Variants in COP1 observed in about 807,000 individuals in gnomAD.
COP1 encodes E3 ubiquitin-protein ligase COP1.
Under a neutral mutation model 101.3 loss-of-function variants are expected in COP1, and 24 were observed. The ratio of observed to expected loss-of-function variants is 0.24; its 90% CI spans 0.17 to 0.33. The LOEUF (loss-of-function observed/expected upper bound fraction) is 0.33. Ranked by LOEUF, COP1 falls within the 10% of genes least tolerant of loss-of-function variation. The probability of loss-of-function intolerance (pLI) is 1.00; values close to 1 mark genes in which losing one functional copy is unlikely to be tolerated. For missense variants in COP1, 663 were observed against 906.2 expected, an observed-to-expected ratio of 0.73 and a Z score of 3.45; for synonymous variants, 347 against 341.9, an observed-to-expected ratio of 1.01 and a Z score of -0.17.
intron 3 of COP1, among the ~76,000 whole-genome samples, chr1:176,167,649 A>T (rs1695340645): frequency 6.6e-6 from 1 of 151,624 alleles, no homozygotes; most frequent in African/African-American, 2.4e-5. Flanking sequence ...AACATTTCTT[A>T]GTACAAAAAA....
chr1:176,051,505 AAAC>A (rs2149238761), intron 11 of COP1, among the ~76,000 whole-genome samples: 1 of 152,328 alleles, frequency 6.6e-6, no homozygotes, highest in Non-Finnish European at 1.5e-5. Flanking sequence ...ACTTGAAAAT[AAAC>A]AACTGTTAAT....
rs74263829 is a variant in COP1 at position 176,148,393 on chromosome 1, T to TAA, written c.831+611_831+612dup. 8.3e-3 allele frequency among the ~76,000 whole-genome samples: 1,154 copies of TAA among 138,732 alleles called. 6 individuals carry two copies. The highest frequency in any genetic ancestry group is 0.015 in the Non-Finnish European group (949 of 63,130). The allele number at this position is 138,732 out of a possible 152,430, so 91.0% of individuals were successfully genotyped here. ...ACCAGGTTCCAGCCAGTTAGAAATT[T>TAA]AAAAAAAAAAAAAAAGTTTTCAAAG... is the stretch of plus-strand genomic sequence containing the variant. On this transcript the variant is annotated intron_variant, in intron 6 of 19. Coordinates refer to ENST00000367669, the MANE Select transcript of COP1 (RefSeq NM_022457.7).
At chr1:175,988,490 G>A (rs1657637498) in intron 16 of COP1, 78 bp from the exon 17 acceptor site, 2 of 1,346,118 alleles carry the variant, frequency 1.5e-6, no homozygotes, top group East Asian at 4.7e-5. Context: ...TAGAGGCAAT[G>A]CAGTTTGCTG....
At chr1:176,151,373 G>GA (rs965296309) in intron 5 of COP1, among the ~76,000 whole-genome samples, 1 of 105,534 alleles carries the variant, frequency 9.5e-6, no homozygotes, top group Non-Finnish European at 2.3e-5. Context: ...AAGAAAGAAA[G>GA]AAAGAAAGAA....
chr1:176,100,718 T>G (rs1268838973), intron 9 of COP1, among the ~76,000 whole-genome samples: 1 of 152,194 alleles, frequency 6.6e-6, no homozygotes, highest in East Asian at 1.9e-4. Context: ...ACAAGAACTA[T>G]GCACCCAAAT....
At chr1:175,945,999 G>T (rs530094900) in intron 19 of COP1, among the ~76,000 whole-genome samples, 2 of 152,142 alleles carry the variant, frequency 1.3e-5, no homozygotes, top group African/African-American at 4.8e-5. Context: ...ATGTAGTTTT[G>T]AGCTCTTGTA....
intron 10 of COP1, among the ~76,000 whole-genome samples, chr1:176,081,638 G>C (rs1378043020): frequency 6.6e-6 from 1 of 152,022 alleles, no homozygotes; most frequent in Non-Finnish European, 1.5e-5. Flanking sequence ...AAGAGTACTG[G>C]ATGAGTATTT....
At chr1:176,068,923 A>G (rs1676487696) in intron 11 of COP1, among the ~76,000 whole-genome samples, 2 of 152,246 alleles carry the variant, frequency 1.3e-5, no homozygotes, top group African/African-American at 4.8e-5. Context: ...AAGGAATTAC[A>G]AAACTGTAAT....
chr1:176,085,426 A>G (rs1234467704), intron 10 of COP1, among the ~76,000 whole-genome samples: 1 of 152,084 alleles, frequency 6.6e-6, no homozygotes, highest in Non-Finnish European at 1.5e-5. Context: ...TCATCTTTTT[A>G]TTCTTAGCAC....
intron 4 of COP1, 45 bp from the exon 5 acceptor site, chr1:176,163,033 T>C (rs748784809): frequency 8.3e-6 from 13 of 1,557,990 alleles, no homozygotes; most frequent in African/African-American, 1.4e-5. Flanking sequence ...CTATGAAGAC[T>C]GTTTTAGAGA....
chr1:176,170,475 G>A (rs139440924), intron 3 of COP1, among the ~76,000 whole-genome samples: 1 of 152,192 alleles, frequency 6.6e-6, no homozygotes, highest in Non-Finnish European at 1.5e-5. Context: ...TTGTACATCT[G>A]TATCAGAGCT....
intron 11 of COP1, among the ~76,000 whole-genome samples, chr1:176,065,723 T>C (rs1464812511): frequency 6.7e-6 from 1 of 148,840 alleles, no homozygotes; most frequent in East Asian, 1.9e-4. Context: ...TTTTTTTTTT[T>C]TTCAGACGGA....
intron 18 of COP1, among the ~76,000 whole-genome samples, chr1:175,977,656 G>A (rs1288461099): frequency 1.3e-5 from 2 of 151,944 alleles, no homozygotes; most frequent in Non-Finnish European, 2.9e-5. Flanking sequence ...GACTGTACAA[G>A]TAAAATACAA....
chr1:175,952,751 A>C lies in COP1; in HGVS notation c.2134-5512T>G, dbSNP rs577040293. Among the ~76,000 whole-genome samples, 77 of 152,018 alleles carry C rather than the reference A, an allele frequency of 5.1e-4. No homozygotes were observed. In the Middle Eastern group the frequency reaches 0.027, roughly 54 times the overall value. On this transcript the variant is annotated intron_variant, in intron 18 of 19. Coordinates refer to ENST00000367669, the MANE Select transcript of COP1 (RefSeq NM_022457.7). ...GAGTAATACCTTGTTGCTACTAAAAATAAAAAAAAACATTAACCAGGCATG... is the reference window on the plus strand; with the variant it reads ...GAGTAATACCTTGTTGCTACTAAAACTAAAAAAAAACATTAACCAGGCATG...
chr1:176,204,157 G>C (rs1572842068), intron 1 of COP1, among the ~76,000 whole-genome samples: 1 of 152,246 alleles, frequency 6.6e-6, no homozygotes, highest in East Asian at 1.9e-4. Context: ...TGGGAAATCT[G>C]AGTTCTCATT....
chr1:176,191,179 C>A (rs904267823), intron 1 of COP1, among the ~76,000 whole-genome samples: 30 of 151,974 alleles, frequency 2.0e-4, no homozygotes, highest in Admixed American at 2.0e-3. Context: ...CATGAAAAAA[C>A]AGACTCGAAA....
chr1:176,044,764 C>T (rs1214882084), intron 12 of COP1, among the ~76,000 whole-genome samples: 1 of 152,174 alleles, frequency 6.6e-6, no homozygotes, highest in Non-Finnish European at 1.5e-5. Flanking sequence ...GGTATTGATC[C>T]TTTCAGCCCC....
chr1:176,163,494 T>G (rs548643643), intron 4 of COP1, among the ~76,000 whole-genome samples: 6 of 152,224 alleles, frequency 3.9e-5, no homozygotes, highest in African/African-American at 4.8e-5. Flanking sequence ...GTGTTGGGAT[T>G]ATAGGTGTGA....
intron 15 of COP1, among the ~76,000 whole-genome samples, chr1:176,013,665 C>G (rs1006988873): frequency 1.3e-5 from 2 of 152,092 alleles, no homozygotes; most frequent in African/African-American, 4.8e-5. Context: ...AAATTAGACA[C>G]AGAATTTTAA....
Sources: gnomAD v4.1 joint callset for allele counts (sites outside exome capture counted in the v4.1 genomes callset) on GRCh38, gnomAD v4.1.1 for gene constraint, MANE v1.5 for transcripts, NCBI Gene and HGNC (gene_info 2026-07-23, HGNC 2026-07-21) for gene names.